The following BDKRB2 variants were observed in gnomAD, a reference collection of about 807,000 sequenced individuals.
The protein encoded by BDKRB2 is bradykinin receptor B2.
A neutral mutation model predicts 4.0 loss-of-function variants in BDKRB2; 6 were observed. That is an observed-to-expected ratio of 1.49 (90% CI 0.81 to 2.93). The LOEUF (loss-of-function observed/expected upper bound fraction) is 2.93, where lower values mean the gene tolerates loss of function less well. Among genes scored for constraint, BDKRB2 ranks in the 30% most tolerant of loss-of-function variants. BDKRB2 has a pLI of 0.00. For missense variants in BDKRB2, 478 were observed against 520.1 expected, an observed-to-expected ratio of 0.92 and a Z score of 0.79; for synonymous variants, 225 against 215.3, an observed-to-expected ratio of 1.05 and a Z score of -0.40.
chr14:96,236,596 T>C (rs1890940199), intron 1 of BDKRB2, among the ~76,000 whole-genome samples: 1 of 152,176 alleles, frequency 6.6e-6, no homozygotes, highest in Non-Finnish European at 1.5e-5. Flanking sequence ...GCTAATGGGC[T>C]AACTGGTCCT....
At chr14:96,232,399 A>G (rs1890838875) in intron 1 of BDKRB2, among the ~76,000 whole-genome samples, 1 of 152,218 alleles carries the variant, frequency 6.6e-6, no homozygotes, top group African/African-American at 2.4e-5. Context: ...GCACGTTTCC[A>G]GCTAGAGGCT....
chr14:96,226,870 C>T (rs562131486), intron 1 of BDKRB2, among the ~76,000 whole-genome samples: 45 of 152,278 alleles, frequency 3.0e-4, no homozygotes, highest in African/African-American at 5.8e-4. Context: ...AGAATTCCAA[C>T]GGCGGAAGAA....
intron 1 of BDKRB2, among the ~76,000 whole-genome samples, chr14:96,208,530 CCTCT>C (rs1339349966): frequency 6.6e-6 from 1 of 152,156 alleles, no homozygotes; most frequent in African/African-American, 2.4e-5. Context: ...AGGAGGCTTA[CCTCT>C]GTTTGTGCTG....
intron 1 of BDKRB2, among the ~76,000 whole-genome samples, chr14:96,219,217 G>A (rs1408602460): frequency 3.3e-5 from 5 of 151,890 alleles, no homozygotes; most frequent in Admixed American, 2.0e-4. Context: ...CAGGAGAATC[G>A]CTTGAACCCA....
intron 1 of BDKRB2, among the ~76,000 whole-genome samples, chr14:96,227,545 AC>A (rs983999234): frequency 6.6e-6 from 1 of 152,190 alleles, no homozygotes; most frequent in African/African-American, 2.4e-5. Flanking sequence ...GTGTACACAC[AC>A]GTGCACACAC....
chr14:96,234,885 C>T (rs1028842487), intron 1 of BDKRB2, among the ~76,000 whole-genome samples: 6 of 152,276 alleles, frequency 3.9e-5, no homozygotes, highest in Middle Eastern at 3.4e-3. Context: ...ATCTGTGCGG[C>T]GGTCACTGTC....
intron 1 of BDKRB2, among the ~76,000 whole-genome samples, chr14:96,208,040 A>T (rs1029529821): frequency 6.6e-6 from 1 of 152,104 alleles, no homozygotes; most frequent in Admixed American, 6.5e-5. Context: ...TACTGTTTAA[A>T]AGCTCTTCCT....
intron 1 of BDKRB2, among the ~76,000 whole-genome samples, chr14:96,220,787 T>C (rs973647088): frequency 6.6e-6 from 1 of 151,816 alleles, no homozygotes; most frequent in Non-Finnish European, 1.5e-5. Flanking sequence ...GCATCCTGGC[T>C]CAAAAGCCAA....
In BDKRB2 at chr14:96,228,404, G is replaced by A. The variant is rs936084029; in HGVS notation, c.-39-8665G>A. 3.9e-5 allele frequency among the ~76,000 whole-genome samples: 6 copies of A among 152,166 alleles called. No individual in the cohort carries two copies. In the South Asian group the frequency reaches 1.2e-3, roughly 32 times the overall value. On this transcript the variant is annotated intron_variant, in intron 1 of 2. Coordinates refer to ENST00000554311, the MANE Select transcript of BDKRB2 (RefSeq NM_001379692.1). The stretch of plus-strand genomic sequence containing the variant: ...CATCCAGGAAGAATCAGGTCACACG[G>A]ACTTGAAGGATGGTGAATGCAGAGG...
intron 1 of BDKRB2, among the ~76,000 whole-genome samples, chr14:96,214,299 C>T (rs1251110955): frequency 3.9e-5 from 6 of 152,114 alleles, no homozygotes; most frequent in African/African-American, 1.4e-4. Flanking sequence ...GGTGAGGGCA[C>T]CCAGGCCCAT....
intron 1 of BDKRB2, among the ~76,000 whole-genome samples, chr14:96,208,192 C>T (rs1376706130): frequency 3.3e-5 from 5 of 152,230 alleles, no homozygotes; most frequent in African/African-American, 4.8e-5. Context: ...TCAATTCCTC[C>T]TCTGAGCTCC....
chr14:96,242,610 C>T lies in BDKRB2; in HGVS notation c.*1106C>T, dbSNP rs574561251. On this transcript the variant is annotated 3_prime_UTR_variant, in exon 3 of 3. Coordinates refer to ENST00000554311, the MANE Select transcript of BDKRB2 (RefSeq NM_001379692.1). The stretch of plus-strand genomic sequence containing the variant: ...GCTCCCTTCCACCTGTCATTCCCAC[C>T]ACCCTGAGGCCCCAACCGCCACACA... 1 of 152,414 alleles carries T rather than the reference C, an allele frequency of 6.6e-6. No homozygotes were observed. Among genetic ancestry groups the T allele is most frequent in the East Asian group, 1.9e-4 (1 of 5,182 alleles). The allele number at this position is 152,414 out of a possible 1,614,324, so 9.4% of individuals were successfully genotyped here.
chr14:96,205,617 G>C (rs1890159889), intron 1 of BDKRB2, among the ~76,000 whole-genome samples: 1 of 152,182 alleles, frequency 6.6e-6, no homozygotes, highest in Admixed American at 6.5e-5. Flanking sequence ...GGATGGTGCA[G>C]GGGTTCCAAG....
At chr14:96,217,121 T>C (rs1319281816) in intron 1 of BDKRB2, among the ~76,000 whole-genome samples, 1 of 152,218 alleles carries the variant, frequency 6.6e-6, no homozygotes, top group African/African-American at 2.4e-5. Flanking sequence ...AAACATTCAG[T>C]GATAGCTGCG....
chr14:96,241,261 T>C lies in BDKRB2; in HGVS notation c.933T>C (p.Asp311=), dbSNP rs2229415. Residue 311 remains aspartate (D), a synonymous_variant, in exon 3 of 3, where the codon GAT becomes GAC. Coordinates refer to ENST00000554311, the MANE Select transcript of BDKRB2 (RefSeq NM_001379692.1). ...LSSCQDERII[D]VITQIASFMA... ...GCTGCCAGGACGAGCGCATCATCGA[T>C]GTAATCACACAGATCGCCTCCTTCA... 7.0e-4 allele frequency: 1,135 copies of C among 1,613,746 alleles called. 9 individuals carry two copies. The African/African-American group carries it at 0.013, about 19-fold the overall frequency.
chr14:96,238,213 CT>C (rs1192951154), intron 2 of BDKRB2: 1 of 649,268 alleles, frequency 1.5e-6, no homozygotes, highest in African/African-American at 2.0e-5. Flanking sequence ...AGAGGATCCA[CT>C]TTCAAGGTGG....
chr14:96,211,746 C>T (rs190208231), intron 1 of BDKRB2, among the ~76,000 whole-genome samples: 5 of 152,156 alleles, frequency 3.3e-5, no homozygotes, highest in Admixed American at 2.6e-4. Flanking sequence ...GCTGTGTGAC[C>T]TAGGGCAAGA....
At position 96,223,045 on chromosome 14, in the gene BDKRB2, G is replaced by A. The variant is rs1890610353; in HGVS notation, c.-39-14024G>A. The A allele has an allele frequency of 4.2e-6, 3 of 719,038 alleles. No individual in the cohort carries two copies. The South Asian group carries it at 4.7e-5, about 11-fold the overall frequency. The allele number at this position is 719,038 out of a possible 1,614,324, so 44.5% of individuals were successfully genotyped here. A position where few individuals can be genotyped will look rare whatever the true frequency, so the allele number is the denominator to read the frequency against. ...ACAGTAAGAAATAGCAAGGAAGGGT[G>A]TGCTGTTGGGAGTTGCTTGGAGGTT... On this transcript the variant is annotated intron_variant, in intron 1 of 2. Coordinates refer to ENST00000554311, the MANE Select transcript of BDKRB2 (RefSeq NM_001379692.1).
rs772874206 is a variant in BDKRB2 at position 96,240,935 on chromosome 14, G to A, written c.607G>A (p.Asp203Asn). 1.4e-5 allele frequency: 23 copies of A among 1,594,988 alleles called. No individual in the cohort carries two copies. Among genetic ancestry groups the A allele is most frequent in the South Asian group, 3.5e-5 (3 of 86,490 alleles). The change falls in exon 3 of 3, where the codon GAT (aspartate) becomes AAT (asparagine). Residue 203 changes from aspartate (D) to asparagine (N), a missense_variant. Coordinates refer to ENST00000554311, the MANE Select transcript of BDKRB2 (RefSeq NM_001379692.1). The part of the protein sequence containing the change: ...LVFRTMKEYS[D>N]EGHNVTACVI... ...GTTCCGGACCATGAAGGAGTACAGCGATGAGGGCCACAACGTCACCGCTTG... is the reference window on the plus strand; with the variant it reads ...GTTCCGGACCATGAAGGAGTACAGCAATGAGGGCCACAACGTCACCGCTTG...
Sources: allele counts gnomAD v4.1 joint callset (sites outside exome capture counted in the v4.1 genomes callset), GRCh38; gene constraint gnomAD v4.1.1; transcripts MANE v1.5; gene names NCBI Gene and HGNC (gene_info 2026-07-23, HGNC 2026-07-21).